The following ATF7IP variants were observed in gnomAD, a reference collection of about 807,000 sequenced individuals.
ATF7IP encodes the protein activating transcription factor 7 interacting protein.
A neutral mutation model predicts 106.4 loss-of-function variants in ATF7IP; 23 were observed. That is an observed-to-expected ratio of 0.22 (90% CI 0.16 to 0.31). The LOEUF (loss-of-function observed/expected upper bound fraction) is 0.31. Ranked by LOEUF, ATF7IP falls within the 10% of genes least tolerant of loss-of-function variation. ATF7IP has a pLI of 1.00. For synonymous variants in ATF7IP, 542 were observed against 539.0 expected, an observed-to-expected ratio of 1.01 and a Z score of -0.08; for missense variants, 1,334 against 1,524.3, an observed-to-expected ratio of 0.88 and a Z score of 2.08.
At position 14,475,965 on chromosome 12, in the gene ATF7IP, C is replaced by A. The variant is rs1224643408; in HGVS notation, c.2938C>A (p.Gln980Lys). The A allele has an allele frequency of 6.2e-7, 1 of 1,611,736 alleles. No individual in the cohort carries two copies. Among genetic ancestry groups the A allele is most frequent in the Admixed American group, 1.7e-5 (1 of 60,012 alleles). ...TMDDEESGAS[Q>K]DPKKLNHTPV... ...GGATGATGAAGAGAGTGGAGCTTCA[C>A]AAGGTACTTCAATAGTAATTGTACT... The change falls in exon 11 of 15, where the codon CAA becomes AAA. Residue 980 changes from glutamine (Q) to lysine (K), a missense_variant. Physicochemically the swap from Gln to Lys is moderately conservative, Grantham distance 53. Transcript: ENST00000261168.
chr12:14,383,475 A>G (rs377668805), intron 1 of ATF7IP, among the ~76,000 whole-genome samples: 7 of 152,242 alleles, frequency 4.6e-5, no homozygotes, highest in African/African-American at 1.7e-4. Context: ...CCACCCCCCA[A>G]TTAAACATAG....
intron 9 of ATF7IP, among the ~76,000 whole-genome samples, chr12:14,461,879 A>G (rs1943651648): frequency 6.6e-6 from 1 of 152,172 alleles, no homozygotes; most frequent in South Asian, 2.1e-4. Flanking sequence ...TGTGTCTAGT[A>G]AAATTGCTAC....
Position 14,498,161 on chromosome 12 carries a change from C to T in ATF7IP, c.*88C>T. On this transcript the variant is annotated 3_prime_UTR_variant, in exon 15 of 15. Transcript: ENST00000261168. ...TGTGCATGATACCCCATGTAAAATC[C>T]ACCTTGTGCAAGATTTCTTGGACAG... 1.6e-6 allele frequency: 2 copies of T among 1,290,158 alleles called. No homozygotes were observed. The highest frequency in any genetic ancestry group is 2.3e-5 in the East Asian group (1 of 42,860). 79.9% of individuals were successfully genotyped at this position (1,290,158 alleles called of 1,614,324 possible).
chr12:14,400,813 G>T (rs1297817707), intron 1 of ATF7IP, among the ~76,000 whole-genome samples: 7 of 152,092 alleles, frequency 4.6e-5, no homozygotes, highest in African/African-American at 1.4e-4. Flanking sequence ...GTATATTAAT[G>T]CTAACCACAA....
chr12:14,410,411 C>T (rs1163062398), intron 1 of ATF7IP, among the ~76,000 whole-genome samples: 1 of 152,122 alleles, frequency 6.6e-6, no homozygotes, highest in African/African-American at 2.4e-5. Flanking sequence ...ACCCATTAGT[C>T]ATTTAGGAGA....
chr12:14,488,657 C>T (rs1330551622), intron 13 of ATF7IP, among the ~76,000 whole-genome samples: 1 of 152,152 alleles, frequency 6.6e-6, no homozygotes, highest in South Asian at 2.1e-4. Context: ...CACAAGTCTA[C>T]CGCTTGTCAA....
chr12:14,424,777 A>G lies in ATF7IP; in HGVS notation c.862A>G (p.Thr288Ala). ...GACTTCTGAATCAACCTTTGATCGT[A>G]CCTTTGAACCAAAGTCTGTACCAGT... is the stretch of plus-strand genomic sequence containing the variant. ...ELTSESTFDR[T>A]FEPKSVPVCE... Residue 288 changes from threonine (T) to alanine (A), a missense_variant, in exon 2 of 15, where the codon ACC becomes GCC. By Grantham distance (58) the Thr-to-Ala change is moderately conservative. Coordinates refer to ENST00000261168, the MANE Select transcript of ATF7IP (RefSeq NM_018179.5). 6.2e-7 allele frequency: 1 copy of G among 1,614,162 alleles called. No individual in the cohort carries two copies. The highest frequency in any genetic ancestry group is 8.5e-7 in the Non-Finnish European group (1 of 1,180,026).
intron 10 of ATF7IP, among the ~76,000 whole-genome samples, chr12:14,473,365 A>G (rs959725931): frequency 6.6e-6 from 1 of 150,520 alleles, no homozygotes; most frequent in Non-Finnish European, 1.5e-5. Flanking sequence ...GTATGTATCT[A>G]ATCTTAATTA....
chr12:14,396,401 C>G (rs957825161), intron 1 of ATF7IP, among the ~76,000 whole-genome samples: 2 of 151,776 alleles, frequency 1.3e-5, no homozygotes, highest in Non-Finnish European at 2.9e-5. Flanking sequence ...AGGAACTGTT[C>G]CTTACTTGTT....
chr12:14,479,183 G>A (rs1233320291), intron 12 of ATF7IP, among the ~76,000 whole-genome samples: 3 of 152,186 alleles, frequency 2.0e-5, no homozygotes, highest in Non-Finnish European at 4.4e-5. Flanking sequence ...TGGCAGAAAT[G>A]ACTGTAGTTT....
rs565080266 is a variant in ATF7IP, at chr12:14,402,754, G to A, written c.-7-21155G>A. Among the ~76,000 whole-genome samples, 12 of 151,672 alleles carry A rather than the reference G, an allele frequency of 7.9e-5. No homozygotes were observed. The East Asian group carries it at 2.3e-3, about 30-fold the overall frequency. ...TCCTGAGTAGCTGGGATTCTATCAT[G>A]CCTGGCTAATGTTTTGTATTTTTAG... On this transcript the variant is annotated intron_variant, in intron 1 of 14. Coordinates refer to ENST00000261168, the MANE Select transcript of ATF7IP (RefSeq NM_018179.5).
At chr12:14,374,032 GA>G (rs968759753) in intron 1 of ATF7IP, among the ~76,000 whole-genome samples, 18 of 120,914 alleles carry the variant, frequency 1.5e-4, no homozygotes, top group African/African-American at 4.3e-4. Flanking sequence ...ATTTTATCCA[GA>G]TTTTTTTTTC....
In ATF7IP at chr12:14,461,009, A is replaced by G; in HGVS notation, c.2673A>G (p.Thr891=). Residue 891 remains threonine, a synonymous_variant, in exon 9 of 15, where the codon ACA becomes ACG. Transcript: ENST00000261168. The part of the protein sequence containing the change: ...IVQATRTSLP[T]VGPSGLYSPS... Reference sequence around the variant, plus strand: ...AAGCCACAAGGACTTCTTTACCCACAGTGGGCCCATCAGGACTCTATAGTC... The same window carrying G: ...AAGCCACAAGGACTTCTTTACCCACGGTGGGCCCATCAGGACTCTATAGTC... The G allele has an allele frequency of 6.2e-7, 1 of 1,614,112 alleles. No homozygotes were observed. Among genetic ancestry groups the G allele is most frequent in the East Asian group, 2.2e-5 (1 of 44,872 alleles).
At chr12:14,385,968 A>C (rs536451217) in intron 1 of ATF7IP, among the ~76,000 whole-genome samples, 1 of 152,052 alleles carries the variant, frequency 6.6e-6, no homozygotes, top group Admixed American at 6.6e-5. Flanking sequence ...CAACTCTTTG[A>C]CATTTTTAAT....
chr12:14,498,185 A>C lies in ATF7IP; in HGVS notation c.*112A>C. The C allele has an allele frequency of 1.9e-6, 2 of 1,028,526 alleles. No homozygotes were observed. The highest frequency in any genetic ancestry group is 2.8e-6 in the Non-Finnish European group (2 of 703,440). 63.7% of individuals were successfully genotyped at this position (1,028,526 alleles called of 1,614,324 possible). Reference sequence around the variant, plus strand: ...CCACCTTGTGCAAGATTTCTTGGACAGATGTGTGTATACACTACATTTGTT... The same window carrying C: ...CCACCTTGTGCAAGATTTCTTGGACCGATGTGTGTATACACTACATTTGTT... On this transcript the variant is annotated 3_prime_UTR_variant, in exon 15 of 15. Transcript: ENST00000261168.
intron 2 of ATF7IP, among the ~76,000 whole-genome samples, chr12:14,426,529 C>CTTTTTT (rs200611526): frequency 7.6e-6 from 1 of 131,770 alleles, no homozygotes; most frequent in Non-Finnish European, 1.6e-5. Context: ...TAAAAAATGG[C>CTTTTTT]TTTTTTTTTT....
In ATF7IP at chr12:14,424,215, AAAC is replaced by A. The variant is rs1941698865; in HGVS notation, c.303_305del (p.Asn101del). The A allele has an allele frequency of 6.2e-7, 1 of 1,614,100 alleles. No homozygotes were observed. The highest frequency in any genetic ancestry group is 1.3e-5 in the African/African-American group (1 of 74,942). ...CCTGTATCCTAAGTGTTAATGTAAA[AAAC>A]AAGCAGGATGATGATTTAAATTGTG... On this transcript the variant is annotated inframe_deletion, in exon 2 of 15. Coordinates refer to ENST00000261168, the MANE Select transcript of ATF7IP (RefSeq NM_018179.5).
intron 1 of ATF7IP, among the ~76,000 whole-genome samples, chr12:14,402,572 G>A (rs1940304401): frequency 6.7e-6 from 1 of 149,346 alleles, no homozygotes; most frequent in African/African-American, 2.5e-5. Flanking sequence ...AATATGTCAT[G>A]TAAGTGTTTC....
intron 13 of ATF7IP, among the ~76,000 whole-genome samples, chr12:14,489,770 C>T (rs777774274): frequency 1.9e-4 from 29 of 152,146 alleles, no homozygotes; most frequent in Non-Finnish European, 2.8e-4. Flanking sequence ...TGAGCATGAG[C>T]CCACTGCTGC....
Sources: allele counts gnomAD v4.1 joint callset (sites outside exome capture counted in the v4.1 genomes callset), GRCh38; gene constraint gnomAD v4.1.1; transcripts MANE v1.5; gene names NCBI Gene and HGNC (gene_info 2026-07-23, HGNC 2026-07-21).